Variants in SLIT3 observed in about 807,000 individuals in gnomAD.
SLIT3 encodes the protein slit homolog 3 protein.
SLIT3 carries 68 observed loss-of-function variants against 184.0 expected under a neutral mutation model. That is an observed-to-expected ratio of 0.37 (90% CI 0.30 to 0.45). SLIT3 has a LOEUF of 0.45. SLIT3 is among the 20% of genes least tolerant of loss of function. The pLI, the probability that SLIT3 is intolerant of heterozygous loss-of-function variation, is 1.00. For missense variants in SLIT3, 1,707 were observed against 2,026.0 expected (o/e 0.84, Z 3.02); for synonymous variants, 831 against 828.6 (o/e 1.00, Z -0.05).
chr5:168,883,386 G>T, intron 4 of SLIT3, 50 bp from the exon 5 acceptor site: 2 of 1,352,614 alleles, frequency 1.5e-6, no homozygotes, highest in South Asian at 1.2e-5. Flanking sequence ...AGGCTGTCTT[G>T]ATCTGCATCT....
chr5:168,685,970 C>T (rs1761731185), intron 30 of SLIT3, 43 bp from the exon 31 acceptor site: 9 of 1,557,996 alleles, frequency 5.8e-6, no homozygotes, highest in Non-Finnish European at 7.8e-6. Context: ...GGAGAATGGC[C>T]AAGAGGAGAC....
chr5:169,143,017 C>T (rs1761797636), intron 4 of SLIT3, among the ~76,000 whole-genome samples: 1 of 152,156 alleles, frequency 6.6e-6, no homozygotes. Context: ...TGCTGAGATG[C>T]AAAAGGAAGC....
intron 6 of SLIT3, among the ~76,000 whole-genome samples, chr5:168,830,407 C>A (rs1470506272): frequency 6.6e-6 from 1 of 152,088 alleles, no homozygotes; most frequent in Non-Finnish European, 1.5e-5. Context: ...GCTCCAGAAA[C>A]CAGGAATAAG....
At chr5:169,240,690 T>C (rs1184382169) in intron 3 of SLIT3, among the ~76,000 whole-genome samples, 1 of 151,520 alleles carries the variant, frequency 6.6e-6, no homozygotes, top group African/African-American at 2.4e-5. Flanking sequence ...ACAATCTATG[T>C]TTTTTAATTG....
intron 18 of SLIT3, among the ~76,000 whole-genome samples, chr5:168,751,728 CTTTT>C (rs373074911): frequency 2.4e-4 from 35 of 143,852 alleles, no homozygotes; most frequent in African/African-American, 2.8e-4. Context: ...CCAGTGACAT[CTTTT>C]TTTTTTTTTT....
chr5:169,184,657 C>T (rs776971845), intron 4 of SLIT3, among the ~76,000 whole-genome samples: 2 of 152,322 alleles, frequency 1.3e-5, no homozygotes, highest in South Asian at 4.1e-4. Context: ...AACCAGACTT[C>T]CCGGCTGTGT....
At chr5:168,750,920 A>G (rs1754673761) in intron 18 of SLIT3, among the ~76,000 whole-genome samples, 1 of 152,126 alleles carries the variant, frequency 6.6e-6, no homozygotes, top group African/African-American at 2.4e-5. Context: ...TGAATGACAC[A>G]GTATGTTAGG....
chr5:168,681,813 G>A (rs982099755), intron 32 of SLIT3, among the ~76,000 whole-genome samples: 1 of 152,202 alleles, frequency 6.6e-6, no homozygotes, highest in Non-Finnish European at 1.5e-5. Context: ...AGCTGCTTCT[G>A]GAAGCCTGGC....
intron 5 of SLIT3, among the ~76,000 whole-genome samples, chr5:168,860,249 T>A (rs1166096720): frequency 6.6e-6 from 1 of 152,200 alleles, no homozygotes; most frequent in Non-Finnish European, 1.5e-5. Context: ...AGTAAGGACT[T>A]GATTGCTAAC....
chr5:168,676,163 T>TTCCA (rs113432099), intron 32 of SLIT3, among the ~76,000 whole-genome samples: 13,080 of 150,256 alleles, frequency 0.087, 1,105 homozygotes, highest in East Asian at 0.22. Flanking sequence ...ATCTACTCTC[T>TTCCA]TCCATCCATC....
At chr5:168,903,818 A>G (rs1760952758) in intron 4 of SLIT3, among the ~76,000 whole-genome samples, 2 of 147,466 alleles carry the variant, frequency 1.4e-5, no homozygotes, top group Admixed American at 1.4e-4. Context: ...ACTGGTTTGA[A>G]TTATTATTAA....
At chr5:169,183,115 A>T (rs890656406) in intron 4 of SLIT3, among the ~76,000 whole-genome samples, 1 of 152,180 alleles carries the variant, frequency 6.6e-6, no homozygotes, top group African/African-American at 2.4e-5. Flanking sequence ...CAGCATCCCA[A>T]CCACCAGCAC....
intron 1 of SLIT3, among the ~76,000 whole-genome samples, chr5:169,257,488 C>T (rs138536103): frequency 5.5e-5 from 8 of 145,736 alleles, no homozygotes; most frequent in East Asian, 2.1e-4. Flanking sequence ...TGGCAGTCTA[C>T]GCTGACAAAT....
At chr5:169,155,201 T>C (rs1762260612) in intron 4 of SLIT3, among the ~76,000 whole-genome samples, 1 of 152,188 alleles carries the variant, frequency 6.6e-6, no homozygotes, top group South Asian at 2.1e-4. Flanking sequence ...GCCAAGCACA[T>C]CCACATATTT....
At chr5:168,875,057 AAGG>A (rs1759678906) in intron 5 of SLIT3, among the ~76,000 whole-genome samples, 4 of 143,054 alleles carry the variant, frequency 2.8e-5, no homozygotes, top group African/African-American at 1.0e-4. Flanking sequence ...GAGTGGAAGA[AAGG>A]AAGGAAAGAA....
intron 4 of SLIT3, among the ~76,000 whole-genome samples, chr5:168,892,431 T>C (rs1190819675): frequency 6.6e-6 from 1 of 152,222 alleles, no homozygotes; most frequent in Non-Finnish European, 1.5e-5. Flanking sequence ...CAGCATCTCA[T>C]TGCCAAAGGA....
At chr5:169,025,602 C>T (rs1360288733) in intron 4 of SLIT3, among the ~76,000 whole-genome samples, 1 of 152,164 alleles carries the variant, frequency 6.6e-6, no homozygotes, top group Non-Finnish European at 1.5e-5. Flanking sequence ...AAACTTGGAT[C>T]TCTGTGCTGT....
intron 1 of SLIT3, among the ~76,000 whole-genome samples, chr5:169,259,408 G>A (rs1412559354): frequency 2.0e-5 from 3 of 152,172 alleles, no homozygotes; most frequent in Admixed American, 6.5e-5. Context: ...TTTCACCCAC[G>A]GGCTACAACA....
intron 4 of SLIT3, among the ~76,000 whole-genome samples, chr5:168,936,268 C>G (rs74544330): frequency 0.033 from 4,955 of 152,294 alleles, 125 homozygotes; most frequent in African/African-American, 0.059. Flanking sequence ...CAGAGTCTCT[C>G]TCTGTCACCT....
Sources: gnomAD v4.1 joint callset for allele counts (sites outside exome capture counted in the v4.1 genomes callset) on GRCh38, gnomAD v4.1.1 for gene constraint, MANE v1.5 for transcripts, NCBI Gene and HGNC (gene_info 2026-07-23, HGNC 2026-07-21) for gene names.